The following ABTB2 variants were observed in gnomAD, a reference collection of about 807,000 sequenced individuals.
The protein encoded by ABTB2 is ankyrin repeat and BTB/POZ domain-containing protein 2.
Under a neutral mutation model 104.1 loss-of-function variants are expected in ABTB2, and 56 were observed. The ratio of observed to expected loss-of-function variants is 0.54; its 90% CI spans 0.43 to 0.67. The LOEUF (loss-of-function observed/expected upper bound fraction) is 0.67. Among genes scored for constraint, ABTB2 ranks in the 30% least tolerant of loss-of-function variants. ABTB2 has a pLI of 0.00. For missense variants in ABTB2, 1,279 were observed against 1,407.7 expected (o/e 0.91, Z 1.46); for synonymous variants, 606 against 608.2 (o/e 1.00, Z 0.05).
intron 1 of ABTB2, among the ~76,000 whole-genome samples, chr11:34,285,179 A>G (rs1194151837): frequency 6.6e-6 from 1 of 152,000 alleles, no homozygotes; most frequent in Non-Finnish European, 1.5e-5. Flanking sequence ...AGGAAACCCA[A>G]CCGAGGGGAC....
chr11:34,244,743 G>A (rs1371627745), intron 1 of ABTB2, among the ~76,000 whole-genome samples: 5 of 152,100 alleles, frequency 3.3e-5, no homozygotes, highest in African/African-American at 1.2e-4. Context: ...TCCCTTATAA[G>A]ATTGTTGTAA....
At chr11:34,169,468 G>T (rs1313261538) in intron 5 of ABTB2, among the ~76,000 whole-genome samples, 2 of 152,094 alleles carry the variant, frequency 1.3e-5, no homozygotes, top group Non-Finnish European at 2.9e-5. Context: ...CATCTTAGAG[G>T]GGAGGAAACT....
At chr11:34,334,548 T>C (rs1207654051) in intron 1 of ABTB2, among the ~76,000 whole-genome samples, 1 of 152,174 alleles carries the variant, frequency 6.6e-6, no homozygotes, top group Non-Finnish European at 1.5e-5. Context: ...ATGACCATTT[T>C]TAATTAGCTA....
chr11:34,356,606 G>C lies in ABTB2; in HGVS notation c.883+95C>G. On this transcript the variant is annotated intron_variant, in intron 1 of 16. Transcript: ENST00000435224. The surrounding 1 kb of genome is among the most constrained non-coding windows in gnomAD (Gnocchi z 4.6). ...CGTTTTCTCCCAAAGAACTGGCACAGCCACCAGCTTTGTCTCAGGAAATTC... is the reference window on the plus strand; with the variant it reads ...CGTTTTCTCCCAAAGAACTGGCACACCCACCAGCTTTGTCTCAGGAAATTC... 5 of 1,419,766 alleles carry C rather than the reference G, an allele frequency of 3.5e-6. No individual in the cohort carries two copies. The highest frequency in any genetic ancestry group is 4.7e-6 in the Non-Finnish European group (5 of 1,069,150). The allele number at this position is 1,419,766 out of a possible 1,614,324, so 87.9% of individuals were successfully genotyped here. A position where few individuals can be genotyped will look rare whatever the true frequency, so the allele number is the denominator to read the frequency against.
intron 1 of ABTB2, among the ~76,000 whole-genome samples, chr11:34,235,349 C>T (rs1853827544): frequency 6.6e-6 from 1 of 152,172 alleles, no homozygotes; most frequent in Non-Finnish European, 1.5e-5. Flanking sequence ...AAGTACTTAA[C>T]CTCTAGACCT....
At chr11:34,195,083 G>GGGGGGC (rs1853237319) in intron 3 of ABTB2, among the ~76,000 whole-genome samples, 1 of 94,234 alleles carries the variant, frequency 1.1e-5, no homozygotes, top group Non-Finnish European at 2.6e-5. Context: ...GGCGGGGGGG[G>GGGGGGC]GGAGTGGGGG....
chr11:34,218,687 T>C (rs1853577231), intron 1 of ABTB2, among the ~76,000 whole-genome samples: 1 of 151,622 alleles, frequency 6.6e-6, no homozygotes, highest in African/African-American at 2.4e-5. Flanking sequence ...CCATCTCTAC[T>C]AAAAACACAA....
chr11:34,286,598 AT>A lies in ABTB2; in HGVS notation c.883+70102del, dbSNP rs1854508800. ...ATGAGCCACCATGCCCGGCCTCAAA[AT>A]ATTTTAAAAAAGATCCCCCTTTCCA... On this transcript the variant is annotated intron_variant, in intron 1 of 16. Coordinates refer to ENST00000435224, the MANE Select transcript of ABTB2 (RefSeq NM_145804.3). Among the ~76,000 whole-genome samples the A allele has an allele frequency of 2.0e-5, 3 of 152,020 alleles. No individual in the cohort carries two copies. The South Asian group carries it at 6.2e-4, about 32-fold the overall frequency.
At chr11:34,272,278 T>C (rs1303269724) in intron 1 of ABTB2, among the ~76,000 whole-genome samples, 1 of 112,586 alleles carries the variant, frequency 8.9e-6, no homozygotes, top group African/African-American at 3.6e-5. Flanking sequence ...TATTTGGAAA[T>C]AATTATAGAG....
chr11:34,278,776 C>CA (rs2133085413), intron 1 of ABTB2, among the ~76,000 whole-genome samples: 1 of 152,340 alleles, frequency 6.6e-6, no homozygotes, highest in Admixed American at 6.5e-5. Flanking sequence ...CTGGCGCCTT[C>CA]ATAAGAGCTA....
At chr11:34,353,617 A>C (rs940138198) in intron 1 of ABTB2, among the ~76,000 whole-genome samples, 2 of 152,240 alleles carry the variant, frequency 1.3e-5, no homozygotes. Flanking sequence ...TAAACACTGC[A>C]GAACTTTTAT....
chr11:34,281,494 T>C (rs1458147529), intron 1 of ABTB2, among the ~76,000 whole-genome samples: 1 of 152,204 alleles, frequency 6.6e-6, no homozygotes, highest in South Asian at 2.1e-4. Context: ...CCCTTTTGTC[T>C]AGACAATCCT....
chr11:34,165,171 A>T (rs1852780806), intron 8 of ABTB2, 89 bp downstream of exon 8: 1 of 1,226,620 alleles, frequency 8.2e-7, no homozygotes, highest in African/African-American at 1.5e-5. Flanking sequence ...TGTGCTAAAG[A>T]GACCCCTGCA....
At chr11:34,282,676 A>G (rs1854460166) in intron 1 of ABTB2, among the ~76,000 whole-genome samples, 1 of 151,336 alleles carries the variant, frequency 6.6e-6, no homozygotes, top group East Asian at 2.0e-4. Context: ...ACAGGCATGC[A>G]CCACCACACC....
In ABTB2 at chr11:34,357,462, G is replaced by A. The variant is rs907133285; in HGVS notation, c.122C>T (p.Ala41Val). The A allele has an allele frequency of 2.6e-6, 4 of 1,547,466 alleles. No individual in the cohort carries two copies. Among genetic ancestry groups the A allele is most frequent in the African/African-American group, 1.4e-5 (1 of 73,040 alleles). ...SLSSSKSNSQ[A>V]LNSSAQQHRG... ...GTGCTGCTGCGCCGAAGAGTTGAGC[G>A]CCTGCGAGTTGGACTTGGAGGACGA... Residue 41 changes from alanine to valine, a missense_variant, in exon 1 of 17, where the codon GCG (alanine) becomes GTG (valine). By Grantham distance (64) the Ala-to-Val change is moderately conservative (BLOSUM62 0). Coordinates refer to ENST00000435224, the MANE Select transcript of ABTB2 (RefSeq NM_145804.3).
intron 1 of ABTB2, among the ~76,000 whole-genome samples, chr11:34,328,730 G>C (rs1487164325): frequency 1.3e-5 from 2 of 152,062 alleles, no homozygotes; most frequent in African/African-American, 2.4e-5. Flanking sequence ...GTTAGTTGTA[G>C]GTACTTCAAA....
chr11:34,173,180 G>T lies in ABTB2; in HGVS notation c.1372C>A (p.Leu458Met). The T allele has an allele frequency of 6.2e-7, 1 of 1,613,798 alleles. No individual in the cohort carries two copies. Among genetic ancestry groups the T allele is most frequent in the South Asian group, 1.1e-5 (1 of 91,044 alleles). ...TTGAGCTGCCGAGGTTCACAGTCCA[G>T]ACCAGGCAGCAGCAGCCGGGCTGCC... ...RQAARLLLPGLDCEPRQLKPE... is the reference protein window; with the variant it reads ...RQAARLLLPGMDCEPRQLKPE... Residue 458 changes from leucine (L) to methionine (M), a missense_variant, in exon 4 of 17, where the codon CTG (leucine) becomes ATG (methionine). By Grantham distance (15) the Leu-to-Met change is conservative. Coordinates refer to ENST00000435224, the MANE Select transcript of ABTB2 (RefSeq NM_145804.3).
intron 1 of ABTB2, among the ~76,000 whole-genome samples, chr11:34,265,872 G>A (rs1473807597): frequency 6.6e-6 from 1 of 151,520 alleles, no homozygotes; most frequent in Non-Finnish European, 1.5e-5. Flanking sequence ...GGGAGGCTGA[G>A]GCAGGAGAAT....
intron 1 of ABTB2, among the ~76,000 whole-genome samples, chr11:34,232,203 C>T (rs761046900): frequency 7.2e-5 from 11 of 152,104 alleles, no homozygotes; most frequent in Non-Finnish European, 1.5e-4. Flanking sequence ...AATCCCAGCA[C>T]TTGGGGAGGC....
Sources: allele counts gnomAD v4.1 joint callset (sites outside exome capture counted in the v4.1 genomes callset), GRCh38; gene constraint gnomAD v4.1.1; non-coding constraint Gnocchi (gnomAD v3.1); transcripts MANE v1.5; gene names NCBI Gene and HGNC (gene_info 2026-07-23, HGNC 2026-07-21).